The following PPIL4 variants were observed in gnomAD, a reference collection of about 807,000 sequenced individuals.
PPIL4 encodes peptidylprolyl isomerase like 4, also known as peptidyl-prolyl cis-trans isomerase-like 4.
Under a neutral mutation model 69.1 loss-of-function variants are expected in PPIL4, and 50 were observed. The observed-to-expected ratio is 0.72, with a 90% CI of 0.58 to 0.92. The LOEUF (loss-of-function observed/expected upper bound fraction) is 0.92, where lower values mean the gene tolerates loss of function less well. Among genes scored for constraint, PPIL4 ranks in the 40% least tolerant of loss-of-function variants. The probability of loss-of-function intolerance (pLI) is 0.00; values close to 1 mark genes in which losing one functional copy is unlikely to be tolerated. For missense variants in PPIL4, 480 were observed against 587.9 expected, an observed-to-expected ratio of 0.82 and a Z score of 1.90; for synonymous variants, 193 against 191.6, an observed-to-expected ratio of 1.01 and a Z score of -0.06.
chr6:149,532,056 C>T (rs1252040690), intron 7 of PPIL4, among the ~76,000 whole-genome samples: 1 of 152,116 alleles, frequency 6.6e-6, no homozygotes, highest in Non-Finnish European at 1.5e-5. Flanking sequence ...ACATTGAATA[C>T]TGCTGCTCTT....
intron 4 of PPIL4, among the ~76,000 whole-genome samples, chr6:149,539,059 C>A (rs553327154): frequency 2.6e-4 from 39 of 152,246 alleles, no homozygotes; most frequent in Middle Eastern, 3.4e-3. Context: ...ACTGGTCAGG[C>A]TGGTCACAAA....
At position 149,513,221 on chromosome 6, in the gene PPIL4, A is replaced by C. The variant is rs557114362; in HGVS notation, c.1080-919T>G. On this transcript the variant is annotated intron_variant, in intron 11 of 12. Coordinates refer to ENST00000253329, the MANE Select transcript of PPIL4 (RefSeq NM_139126.4). ...GCCAATATGGTGAAACCCCATCTCTACTAAAAATACAAAAATTAGCCGGGC... is the reference window on the plus strand; with the variant it reads ...GCCAATATGGTGAAACCCCATCTCTCCTAAAAATACAAAAATTAGCCGGGC... Among the ~76,000 whole-genome samples, 4 of 147,026 alleles carry C rather than the reference A, an allele frequency of 2.7e-5. No homozygotes were observed. The East Asian group carries it at 7.9e-4, about 29-fold the overall frequency.
At chr6:149,545,288 C>T (rs1777422343) in intron 1 of PPIL4, among the ~76,000 whole-genome samples, 1 of 152,220 alleles carries the variant, frequency 6.6e-6, no homozygotes, top group South Asian at 2.1e-4. Flanking sequence ...CCACCCCCCA[C>T]CAAAGAAGCC....
At chr6:149,514,511 AG>A (rs1443189715) in intron 11 of PPIL4, among the ~76,000 whole-genome samples, 1 of 152,058 alleles carries the variant, frequency 6.6e-6, no homozygotes, top group African/African-American at 2.4e-5. Flanking sequence ...TAGTCGAGAC[AG>A]GGTTTCGCCA....
intron 11 of PPIL4, among the ~76,000 whole-genome samples, chr6:149,515,177 G>A (rs371082588): frequency 3.5e-5 from 5 of 144,882 alleles, no homozygotes; most frequent in South Asian, 4.4e-4. Flanking sequence ...AATGGAGACC[G>A]GGTCTCGCTA....
chr6:149,530,251 C>CT (rs1562260606), intron 7 of PPIL4, among the ~76,000 whole-genome samples: 1 of 152,058 alleles, frequency 6.6e-6, no homozygotes, highest in Non-Finnish European at 1.5e-5. Context: ...ACTCTCTGTA[C>CT]TTTATGTTCA....
intron 10 of PPIL4, among the ~76,000 whole-genome samples, chr6:149,520,694 A>G (rs1777016686): frequency 6.6e-6 from 1 of 152,094 alleles, no homozygotes; most frequent in African/African-American, 2.4e-5. Context: ...GCACTCAATA[A>G]AAGGCTCATA....
intron 7 of PPIL4, among the ~76,000 whole-genome samples, chr6:149,529,793 G>C (rs1297288885): frequency 7.0e-6 from 1 of 142,914 alleles, no homozygotes; most frequent in East Asian, 2.0e-4. Flanking sequence ...GGAAAGAAAA[G>C]AAAGAAAAAG....
intron 10 of PPIL4, among the ~76,000 whole-genome samples, chr6:149,518,297 A>C (rs1487410687): frequency 6.6e-6 from 1 of 152,182 alleles, no homozygotes; most frequent in Non-Finnish European, 1.5e-5. Flanking sequence ...CTATCAGATG[A>C]GAATTCAATT....
chr6:149,543,437 A>T (rs1777393960), intron 1 of PPIL4, among the ~76,000 whole-genome samples: 1 of 152,208 alleles, frequency 6.6e-6, no homozygotes, highest in Admixed American at 6.5e-5. Context: ...CATATATGAG[A>T]CATTTTAACC....
intron 11 of PPIL4, among the ~76,000 whole-genome samples, chr6:149,515,922 C>A (rs1487328848): frequency 1.3e-5 from 2 of 152,110 alleles, no homozygotes; most frequent in Admixed American, 1.3e-4. Flanking sequence ...TCACTAATTT[C>A]TCTTTCTCTT....
chr6:149,508,405 G>T (rs754899508), intron 12 of PPIL4, among the ~76,000 whole-genome samples: 1 of 151,920 alleles, frequency 6.6e-6, no homozygotes, highest in Non-Finnish European at 1.5e-5. Context: ...AAGACAAGAT[G>T]ATTAAACTAC....
chr6:149,544,979 C>T (rs1181623634), intron 1 of PPIL4, among the ~76,000 whole-genome samples: 1 of 152,202 alleles, frequency 6.6e-6, no homozygotes, highest in Non-Finnish European at 1.5e-5. Context: ...CTCCACACCG[C>T]TGCCTATTAT....
intron 4 of PPIL4, among the ~76,000 whole-genome samples, chr6:149,538,123 G>A (rs543017828): frequency 6.5e-4 from 99 of 152,090 alleles, no homozygotes; most frequent in Middle Eastern, 3.4e-3. Context: ...AAAATCAGCC[G>A]GGCGTAGTGG....
chr6:149,513,438 TAC>T (rs1554215993), intron 11 of PPIL4, among the ~76,000 whole-genome samples: 1 of 103,420 alleles, frequency 9.7e-6, no homozygotes, highest in Non-Finnish European at 1.9e-5. Flanking sequence ...TATATATATA[TAC>T]ATATAAAAAA....
intron 10 of PPIL4, among the ~76,000 whole-genome samples, chr6:149,520,599 ACACT>A (rs1168274069): frequency 6.6e-6 from 1 of 152,084 alleles, no homozygotes; most frequent in Non-Finnish European, 1.5e-5. Flanking sequence ...ACACACACAC[ACACT>A]CTACCTCAGA....
intron 9 of PPIL4, among the ~76,000 whole-genome samples, chr6:149,523,649 C>T (rs12663698): frequency 0.26 from 39,657 of 150,620 alleles, 6,581 homozygotes; most frequent in East Asian, 0.77. Flanking sequence ...TGAGATCATG[C>T]GACTACACTC....
At position 149,521,129 on chromosome 6, in the gene PPIL4, G is replaced by A. The variant is rs2115031904; in HGVS notation, c.913C>T (p.Leu305Phe). 1 of 1,605,672 alleles carries A rather than the reference G, an allele frequency of 6.2e-7. No homozygotes were observed. Among genetic ancestry groups the A allele is most frequent in the Admixed American group, 1.7e-5 (1 of 59,460 alleles). ...EKAFFKMDNVLIDDRRIHVDF... is the reference protein window; with the variant it reads ...EKAFFKMDNVFIDDRRIHVDF... ...ACATGTATTCTTCTGTCATCTATAA[G>A]CACATTGTCCATTTTGAAGAATGCT... The change falls in exon 10 of 13, where the codon CTT (leucine) becomes TTT (phenylalanine). Residue 305 changes from leucine to phenylalanine, a missense_variant. By Grantham distance (22) the Leu-to-Phe change is conservative. Coordinates refer to ENST00000253329, the MANE Select transcript of PPIL4 (RefSeq NM_139126.4).
intron 7 of PPIL4, among the ~76,000 whole-genome samples, chr6:149,529,708 A>G (rs1159266917): frequency 6.7e-6 from 1 of 148,784 alleles, no homozygotes; most frequent in African/African-American, 2.5e-5. Flanking sequence ...GGTTGCAGTG[A>G]GCCGAGATAA....
Sources: gnomAD v4.1 joint callset for allele counts (sites outside exome capture counted in the v4.1 genomes callset) on GRCh38, gnomAD v4.1.1 for gene constraint, MANE v1.5 for transcripts, NCBI Gene and HGNC (gene_info 2026-07-23, HGNC 2026-07-21) for gene names.